The following LRBA variants were observed in gnomAD, a reference collection of about 807,000 sequenced individuals.
LRBA encodes the protein LPS responsive beige-like anchor protein.
Under a neutral mutation model 330.0 loss-of-function variants are expected in LRBA, and 176 were observed. The observed-to-expected ratio is 0.53, with a 90% confidence interval of 0.47 to 0.60. LRBA has a LOEUF of 0.60. Ranked by LOEUF, LRBA falls within the 20% of genes least tolerant of loss-of-function variation. The pLI, the probability that LRBA is intolerant of heterozygous loss-of-function variation, is 0.00. For missense variants in LRBA, 3,259 were observed against 3,444.8 expected (o/e 0.95, Z 1.35); for synonymous variants, 1,230 against 1,193.0 (o/e 1.03, Z -0.64).
At chr4:150,306,094 C>G (rs541977526) in intron 52 of LRBA, among the ~76,000 whole-genome samples, 1 of 152,112 alleles carries the variant, frequency 6.6e-6, no homozygotes, top group Non-Finnish European at 1.5e-5. Flanking sequence ...TAAAAAAATT[C>G]AAGCTCAGGA....
chr4:150,681,820 T>C (rs1278953999), intron 37 of LRBA, among the ~76,000 whole-genome samples: 1 of 152,164 alleles, frequency 6.6e-6, no homozygotes, highest in Non-Finnish European at 1.5e-5. Context: ...TCTGGCTTAA[T>C]GAATAATAGA....
At position 150,690,457 on chromosome 4, in the gene LRBA, C is replaced by T. The variant is rs181643542; in HGVS notation, c.5755-6740G>A. 7.4e-5 allele frequency among the ~76,000 whole-genome samples: 11 copies of T among 149,104 alleles called. No individual in the cohort carries two copies. The East Asian group carries it at 2.2e-3, about 30-fold the overall frequency. ...GTTGGAGGTTGCAGTGAGCCGAGATCACGCCACTGCACTCCAGCCTGGCAA... is the reference window on the plus strand; with the variant it reads ...GTTGGAGGTTGCAGTGAGCCGAGATTACGCCACTGCACTCCAGCCTGGCAA... On this transcript the variant is annotated intron_variant, in intron 36 of 56. Transcript: ENST00000651943.
chr4:150,740,115 A>G (rs1325015172), intron 35 of LRBA, among the ~76,000 whole-genome samples: 1 of 152,238 alleles, frequency 6.6e-6, no homozygotes, highest in Non-Finnish European at 1.5e-5. Flanking sequence ...ACATAAAAGA[A>G]TACATCATAA....
At chr4:150,570,438 C>T (rs532476617) in intron 40 of LRBA, among the ~76,000 whole-genome samples, 2 of 152,060 alleles carry the variant, frequency 1.3e-5, no homozygotes, top group African/African-American at 2.4e-5. Flanking sequence ...TCATGGTTCT[C>T]GAGACATGTC....
chr4:150,899,801 T>C (rs1429604268), intron 14 of LRBA, among the ~76,000 whole-genome samples: 1 of 152,114 alleles, frequency 6.6e-6, no homozygotes, highest in Non-Finnish European at 1.5e-5. Context: ...ATCCTAGTCA[T>C]ATTAGCTCCC....
At chr4:150,430,442 T>C (rs1277100141) in intron 46 of LRBA, among the ~76,000 whole-genome samples, 1 of 152,164 alleles carries the variant, frequency 6.6e-6, no homozygotes, top group East Asian at 1.9e-4. Context: ...GAATCTCCTC[T>C]TTCCTCTTCC....
chr4:150,775,805 G>T (rs1394574026), intron 34 of LRBA, among the ~76,000 whole-genome samples: 5 of 59,970 alleles, frequency 8.3e-5, no homozygotes, highest in South Asian at 7.4e-4. Context: ...AAGAAAGAAT[G>T]AAAAAAAAAA....
chr4:150,656,941 A>AT (rs1288962213), intron 37 of LRBA, among the ~76,000 whole-genome samples: 1 of 152,248 alleles, frequency 6.6e-6, no homozygotes, highest in Non-Finnish European at 1.5e-5. Flanking sequence ...TAGGTTAAAC[A>AT]TATAAAAAGG....
Position 150,844,681 on chromosome 4 carries a change from G to A in LRBA, c.4438C>T (p.Pro1480Ser). 6.2e-7 allele frequency: 1 copy of A among 1,613,148 alleles called. No homozygotes were observed. Among genetic ancestry groups the A allele is most frequent in the Non-Finnish European group, 8.5e-7 (1 of 1,179,370 alleles). The change falls in exon 27 of 57, where the codon CCT becomes TCT. Residue 1480 changes from proline (P) to serine (S), a missense_variant. Pro to Ser is a moderately conservative substitution (Grantham distance 74). Transcript: ENST00000651943. ...ACCTTCGCTGCAGATTTCCCTAAAG[G>A]AATAAGGCTATGCATTGGTTTCAAG... is the stretch of plus-strand genomic sequence containing the variant. ...KALKPMHSLI[P>S]LGKSAAKSPV...
intron 37 of LRBA, among the ~76,000 whole-genome samples, chr4:150,661,241 C>T (rs980304862): frequency 1.2e-4 from 18 of 151,742 alleles, no homozygotes; most frequent in African/African-American, 4.1e-4. Flanking sequence ...GAGGCTGAGG[C>T]GGGTCAATCA....
At chr4:150,685,031 G>A (rs1014540042) in intron 36 of LRBA, among the ~76,000 whole-genome samples, 3 of 151,940 alleles carry the variant, frequency 2.0e-5, no homozygotes, top group Non-Finnish European at 2.9e-5. Context: ...AGATTTAGTT[G>A]GACAGTTGGT....
chr4:150,324,533 T>C (rs1478041573), intron 49 of LRBA, among the ~76,000 whole-genome samples: 1 of 150,888 alleles, frequency 6.6e-6, no homozygotes, highest in Non-Finnish European at 1.5e-5. Flanking sequence ...AGAAAAAATC[T>C]TGGAAGAAGA....
intron 2 of LRBA, among the ~76,000 whole-genome samples, chr4:150,934,894 G>C (rs930933947): frequency 1.3e-5 from 2 of 151,998 alleles, no homozygotes; most frequent in Non-Finnish European, 2.9e-5. Flanking sequence ...TGTAATCCCA[G>C]CTACTCGGGA....
chr4:150,536,473 T>A (rs1764667643), intron 40 of LRBA, among the ~76,000 whole-genome samples: 1 of 152,086 alleles, frequency 6.6e-6, no homozygotes, highest in Non-Finnish European at 1.5e-5. Context: ...TTGCGGTCGA[T>A]TTTGGGGCAC....
intron 34 of LRBA, among the ~76,000 whole-genome samples, chr4:150,764,923 TA>T (rs1202440428): frequency 1.3e-5 from 2 of 152,086 alleles, no homozygotes; most frequent in Non-Finnish European, 2.9e-5. Flanking sequence ...TTTTAGTGTT[TA>T]ACCAAGGGAG....
chr4:150,735,441 G>A (rs1731060394), intron 35 of LRBA, 75 bp from the exon 36 acceptor site: 1 of 895,732 alleles, frequency 1.1e-6, no homozygotes, highest in Non-Finnish European at 1.8e-6. Context: ...TGCTTACGGT[G>A]GAGAGGAAGG....
In LRBA at chr4:150,848,928, A is replaced by C; in HGVS notation, c.4229T>G (p.Leu1410Arg). 1 of 1,612,772 alleles carries C rather than the reference A, an allele frequency of 6.2e-7. No individual in the cohort carries two copies. Reference sequence around the variant, plus strand: ...TATAAGCACATCCACAAGGCTAATTAGCCTCTGCAAAAATGTCACAGAGGC... The same window carrying C: ...TATAAGCACATCCACAAGGCTAATTCGCCTCTGCAAAAATGTCACAGAGGC... ...IEASVTFLQR[L>R]ISLVDVLIFA... The change falls in exon 26 of 57, where the codon CTA becomes CGA. Residue 1410 changes from leucine (L) to arginine (R), a missense_variant. Physicochemically the swap from Leu to Arg is moderately radical, Grantham distance 102. Transcript: ENST00000651943.
intron 15 of LRBA, among the ~76,000 whole-genome samples, chr4:150,896,718 T>C (rs1471302418): frequency 1.3e-5 from 2 of 151,978 alleles, no homozygotes; most frequent in East Asian, 1.9e-4. Flanking sequence ...TACAGAATCC[T>C]GAAGTCAGCA....
At chr4:150,958,503 C>T (rs568594316) in intron 2 of LRBA, among the ~76,000 whole-genome samples, 3 of 149,368 alleles carry the variant, frequency 2.0e-5, no homozygotes, top group African/African-American at 7.7e-5. Context: ...CTGACATGCC[C>T]TGGAGACATT....
Sources: allele counts gnomAD v4.1 joint callset (sites outside exome capture counted in the v4.1 genomes callset), GRCh38; gene constraint gnomAD v4.1.1; transcripts MANE v1.5; gene names NCBI Gene and HGNC (gene_info 2026-07-23, HGNC 2026-07-21).